CAMK2D: variants seen among roughly 807,000 people sequenced by gnomAD.
CAMK2D encodes the protein calcium/calmodulin-dependent protein kinase type II subunit delta.
A neutral mutation model predicts 84.0 loss-of-function variants in CAMK2D; 37 were observed. The observed-to-expected ratio is 0.44, with a 90% CI of 0.34 to 0.58. The LOEUF is 0.58. Among genes scored for constraint, CAMK2D ranks in the 20% least tolerant of loss-of-function variants. CAMK2D has a pLI of 0.02. For missense variants in CAMK2D, 448 were observed against 652.5 expected, an observed-to-expected ratio of 0.69 and a Z score of 3.41; for synonymous variants, 202 against 212.5, an observed-to-expected ratio of 0.95 and a Z score of 0.43.
At chr4:113,690,586 A>G (rs556354354) in intron 2 of CAMK2D, among the ~76,000 whole-genome samples, 32 of 152,192 alleles carry the variant, frequency 2.1e-4, no homozygotes, top group Non-Finnish European at 4.7e-4. Flanking sequence ...TTTTCAAAAT[A>G]TCTACTAAAT....
intron 1 of CAMK2D, among the ~76,000 whole-genome samples, 156 bp from the exon 2 acceptor site, chr4:113,759,570 C>G (rs2099636057): frequency 6.6e-6 from 1 of 152,178 alleles, no homozygotes; most frequent in African/African-American, 2.4e-5. Flanking sequence ...CCCAGACTTT[C>G]TTTAATGTTG....
At position 113,494,861 on chromosome 4, in the gene CAMK2D, C is replaced by G. The variant is rs528688599; in HGVS notation, c.1135+5602G>C. Among the ~76,000 whole-genome samples, 13 of 152,174 alleles carry G rather than the reference C, an allele frequency of 8.5e-5. 1 individual carries two copies. Among genetic ancestry groups the G allele is most frequent in the South Asian group, 4.1e-4 (2 of 4,820 alleles). On this transcript the variant is annotated intron_variant, in intron 16 of 20. Coordinates refer to ENST00000511664, the MANE Select transcript of CAMK2D (RefSeq NM_001321571.2). ...CTCCTGGTGCGCCGTTTTTTAAGCC[C>G]GTCGGAAAAGCGCAGTATTCCGGTA...
chr4:113,614,591 T>G (rs958171015), intron 3 of CAMK2D, among the ~76,000 whole-genome samples: 2 of 152,168 alleles, frequency 1.3e-5, no homozygotes, highest in Non-Finnish European at 2.9e-5. Flanking sequence ...AATTCTGACA[T>G]TCTATTACTA....
chr4:113,694,764 A>G (rs1254301237), intron 2 of CAMK2D, among the ~76,000 whole-genome samples: 2 of 152,196 alleles, frequency 1.3e-5, no homozygotes, highest in Admixed American at 6.5e-5. Context: ...AAGCCACACC[A>G]TACAACCCAA....
At chr4:113,703,864 A>AT (rs1259204642) in intron 2 of CAMK2D, among the ~76,000 whole-genome samples, 1 of 143,602 alleles carries the variant, frequency 7.0e-6, no homozygotes, top group Non-Finnish European at 1.5e-5. Flanking sequence ...TGGAGGGTGT[A>AT]TTTTCTCAAA....
chr4:113,645,321 G>GT (rs2099147550), intron 3 of CAMK2D, among the ~76,000 whole-genome samples: 1 of 152,090 alleles, frequency 6.6e-6, no homozygotes, highest in Admixed American at 6.5e-5. Flanking sequence ...CGGCCTGAAT[G>GT]TTTTTTACAT....
At chr4:113,494,644 T>G (rs1590145658) in intron 16 of CAMK2D, among the ~76,000 whole-genome samples, 1 of 152,230 alleles carries the variant, frequency 6.6e-6, no homozygotes, top group African/African-American at 2.4e-5. Flanking sequence ...CAGGCAGGCC[T>G]CCTTGAGCTG....
chr4:113,522,668 G>A (rs2098377267), intron 8 of CAMK2D, among the ~76,000 whole-genome samples: 1 of 152,196 alleles, frequency 6.6e-6, no homozygotes, highest in African/African-American at 2.4e-5. Flanking sequence ...GTGTTCATGT[G>A]TCTGACAGGT....
intron 8 of CAMK2D, among the ~76,000 whole-genome samples, chr4:113,526,443 T>TGC (rs761415384): frequency 6.6e-6 from 1 of 151,986 alleles, no homozygotes; most frequent in South Asian, 2.1e-4. Flanking sequence ...TGTGTGTGTG[T>TGC]GCATGCATGT....
chr4:113,493,503 G>A (rs1462463271), intron 16 of CAMK2D, among the ~76,000 whole-genome samples: 11 of 152,286 alleles, frequency 7.2e-5, no homozygotes, highest in Middle Eastern at 3.4e-3. Context: ...GGTTTCTGCC[G>A]AGAGATCAGC....
chr4:113,480,709 C>T (rs58834832), intron 16 of CAMK2D, among the ~76,000 whole-genome samples: 13,219 of 152,112 alleles, frequency 0.087, 1,855 homozygotes, highest in African/African-American at 0.3. Flanking sequence ...TGCACGGTGG[C>T]GGGTGCCTGT....
chr4:113,507,461 G>GT (rs992352580), intron 13 of CAMK2D, among the ~76,000 whole-genome samples: 160 of 151,564 alleles, frequency 1.1e-3, no homozygotes, highest in African/African-American at 3.7e-3. Context: ...TAGAGATGGG[G>GT]TTTTACCGTG....
chr4:113,705,397 C>G (rs939805112), intron 2 of CAMK2D, among the ~76,000 whole-genome samples: 2 of 151,778 alleles, frequency 1.3e-5, no homozygotes, highest in African/African-American at 2.4e-5. Flanking sequence ...TGTTTAGATG[C>G]CTCAGGTTCT....
intron 16 of CAMK2D, among the ~76,000 whole-genome samples, chr4:113,486,489 C>A (rs1013287007): frequency 7.9e-5 from 12 of 152,048 alleles, no homozygotes; most frequent in Non-Finnish European, 1.8e-4. Context: ...TAATATATTG[C>A]AGAACTTTGG....
intron 2 of CAMK2D, among the ~76,000 whole-genome samples, chr4:113,666,222 A>T (rs768600481): frequency 6.6e-6 from 1 of 152,242 alleles, no homozygotes; most frequent in Admixed American, 6.5e-5. Flanking sequence ...AATATCAGAG[A>T]ATAAGCTCTT....
chr4:113,531,321 G>A (rs374438346), intron 7 of CAMK2D, 22 bp from the exon 8 acceptor site: 2 of 1,251,188 alleles, frequency 1.6e-6, no homozygotes, highest in Non-Finnish European at 2.4e-6. Context: ...AGATGTTAAT[G>A]AGTCACAGTT....
chr4:113,461,795 G>C (rs770789182), intron 17 of CAMK2D, among the ~76,000 whole-genome samples: 20 of 152,130 alleles, frequency 1.3e-4, no homozygotes, highest in Non-Finnish European at 8.8e-5. Context: ...TTGGGTGGAG[G>C]GGGAGCAAAA....
Position 113,565,425 on chromosome 4 carries a change from T to C in CAMK2D, c.276-13329A>G, listed in dbSNP as rs566067037. ...CAGCACTTTGGGAGGCCAAGGCGGGTGGATCAGTTGAGGCCAGGAGTTCAA... is the reference window on the plus strand; with the variant it reads ...CAGCACTTTGGGAGGCCAAGGCGGGCGGATCAGTTGAGGCCAGGAGTTCAA... On this transcript the variant is annotated intron_variant, in intron 4 of 20. Transcript: ENST00000511664. Among the ~76,000 whole-genome samples the C allele has an allele frequency of 9.9e-5, 15 of 151,726 alleles. No homozygotes were observed. The South Asian group carries it at 3.1e-3, about 32-fold the overall frequency.
intron 3 of CAMK2D, among the ~76,000 whole-genome samples, chr4:113,656,991 T>C (rs1024221536): frequency 4.6e-5 from 7 of 152,166 alleles, no homozygotes; most frequent in African/African-American, 1.7e-4. Flanking sequence ...CTACCCTTAA[T>C]GTCTAAGTCC....
Sources: gnomAD v4.1 joint callset for allele counts (sites outside exome capture counted in the v4.1 genomes callset) on GRCh38, gnomAD v4.1.1 for gene constraint, MANE v1.5 for transcripts, NCBI Gene and HGNC (gene_info 2026-07-23, HGNC 2026-07-21) for gene names.